The following ZNF385D variants were observed in gnomAD, a reference collection of about 807,000 sequenced individuals.
ZNF385D encodes the protein zinc finger protein 385D.
In ZNF385D, 15 loss-of-function variants were observed where a neutral mutation model predicts 35.8. The observed-to-expected ratio is 0.42, with a 90% CI of 0.28 to 0.64. The LOEUF (loss-of-function observed/expected upper bound fraction) is 0.64, where lower values mean the gene tolerates loss of function less well. Ranked by LOEUF, ZNF385D falls within the 30% of genes least tolerant of loss-of-function variation. ZNF385D has a pLI of 0.23. For missense variants in ZNF385D, 474 were observed against 494.6 expected (o/e 0.96, Z 0.39); for synonymous variants, 212 against 186.8 (o/e 1.13, Z -1.10).
At chr3:21,908,354 T>G (rs571846159) in intron 3 of ZNF385D, among the ~76,000 whole-genome samples, 1 of 152,214 alleles carries the variant, frequency 6.6e-6, no homozygotes, top group African/African-American at 2.4e-5. Context: ...GAGGAACAGA[T>G]AGATACCTTT....
At chr3:22,246,889 A>G (rs1447875787) in intron 2 of ZNF385D, among the ~76,000 whole-genome samples, 1 of 152,146 alleles carries the variant, frequency 6.6e-6, no homozygotes, top group Non-Finnish European at 1.5e-5. Flanking sequence ...TTTTCAGAAC[A>G]TTCTCTGTGT....
Position 21,956,120 on chromosome 3 carries a change from G to A in ZNF385D, c.325+212697C>T, listed in dbSNP as rs547762686. ...AGGATCTGCTTGAGCCCAGGAGATAGAGGCTGCAGTGAGCCGTGATCACAC... is the reference window on the plus strand; with the variant it reads ...AGGATCTGCTTGAGCCCAGGAGATAAAGGCTGCAGTGAGCCGTGATCACAC... On this transcript the variant is annotated intron_variant, in intron 3 of 5. Coordinates refer to the ZNF385D transcript ENST00000494108. Among the ~76,000 whole-genome samples the A allele has an allele frequency of 2.0e-4, 30 of 152,108 alleles. No individual in the cohort carries two copies. In the East Asian group the frequency reaches 5.6e-3, roughly 29 times the overall value.
chr3:22,327,232 A>G (rs1694720220), intron 2 of ZNF385D, among the ~76,000 whole-genome samples: 1 of 152,214 alleles, frequency 6.6e-6, no homozygotes, highest in Non-Finnish European at 1.5e-5. Flanking sequence ...GTAGCCAGGA[A>G]CATTAAACCT....
At chr3:21,966,076 A>G (rs1431490459) in intron 3 of ZNF385D, among the ~76,000 whole-genome samples, 1 of 152,208 alleles carries the variant, frequency 6.6e-6, no homozygotes, top group Non-Finnish European at 1.5e-5. Flanking sequence ...GTCTCTCTAG[A>G]GTAAATTTTG....
In ZNF385D at chr3:22,037,826, G is replaced by A. The variant is rs138948351; in HGVS notation, c.325+130991C>T. On this transcript the variant is annotated intron_variant, in intron 3 of 5. Transcript: ENST00000494108. ...GGTATTGCCTAGGTTTTCTTCTAGG[G>A]TTTTTATGGTTTTAGGTCTAACAAA... is the stretch of plus-strand genomic sequence containing the variant. 7.2e-3 allele frequency among the ~76,000 whole-genome samples: 1,090 copies of A among 152,176 alleles called. 19 individuals are homozygous for A. Among genetic ancestry groups the A allele is most frequent in the Middle Eastern group, 0.01 (3 of 294 alleles).
At chr3:22,165,772 C>T (rs907649977) in intron 3 of ZNF385D, among the ~76,000 whole-genome samples, 1 of 152,150 alleles carries the variant, frequency 6.6e-6, no homozygotes, top group African/African-American at 2.4e-5. Context: ...TTGAACCACA[C>T]TGAATTCTTG....
chr3:21,714,719 G>C (rs1196277146), intron 1 of ZNF385D, among the ~76,000 whole-genome samples: 1 of 152,106 alleles, frequency 6.6e-6, no homozygotes, highest in Non-Finnish European at 1.5e-5. Flanking sequence ...TCCATCTCCA[G>C]CTAACACTTC....
chr3:22,215,010 T>A (rs968713083), intron 2 of ZNF385D, among the ~76,000 whole-genome samples: 1 of 151,940 alleles, frequency 6.6e-6, no homozygotes, highest in Admixed American at 6.6e-5. Context: ...ATGTGATGTC[T>A]CCCCCAGACA....
chr3:22,281,499 G>A (rs1701738969), intron 2 of ZNF385D, among the ~76,000 whole-genome samples: 1 of 152,020 alleles, frequency 6.6e-6, no homozygotes, highest in Non-Finnish European at 1.5e-5. Context: ...ATAATCATGT[G>A]ATTTTTATTT....
chr3:22,305,362 C>G (rs1202156151), intron 2 of ZNF385D, among the ~76,000 whole-genome samples: 1 of 152,090 alleles, frequency 6.6e-6, no homozygotes, highest in African/African-American at 2.4e-5. Context: ...TGCATGAATA[C>G]TAGACTTAAT....
chr3:22,016,750 G>C (rs1458964880), intron 3 of ZNF385D, among the ~76,000 whole-genome samples: 1 of 150,904 alleles, frequency 6.6e-6, no homozygotes. Flanking sequence ...CCTCTGCTGT[G>C]TTAAAGCACT....
intron 3 of ZNF385D, among the ~76,000 whole-genome samples, chr3:22,073,588 T>C (rs80203811): frequency 0.012 from 1,820 of 152,112 alleles, 33 homozygotes; most frequent in African/African-American, 0.041. Flanking sequence ...GCCTCATTTA[T>C]GCCATGAATT....
At chr3:22,059,769 G>A (rs1242144375) in intron 3 of ZNF385D, among the ~76,000 whole-genome samples, 7 of 152,170 alleles carry the variant, frequency 4.6e-5, no homozygotes, top group African/African-American at 1.7e-4. Context: ...ATGCTTGTGA[G>A]GGTTAATTTT....
chr3:22,346,473 T>C (rs185507815), intron 2 of ZNF385D, among the ~76,000 whole-genome samples: 123 of 152,336 alleles, frequency 8.1e-4, no homozygotes, highest in African/African-American at 2.9e-3. Context: ...TGCTTTTATA[T>C]TCACTATTTC....
chr3:21,754,842 T>C (rs1430527924), upstream of ZNF385D, among the ~76,000 whole-genome samples: 3 of 152,220 alleles, frequency 2.0e-5, no homozygotes, highest in African/African-American at 7.2e-5. Context: ...CTTGTCATTA[T>C]ACAATAAATA....
chr3:22,302,222 G>A (rs746249241), intron 2 of ZNF385D, among the ~76,000 whole-genome samples: 27 of 151,926 alleles, frequency 1.8e-4, no homozygotes, highest in Non-Finnish European at 2.4e-4. Context: ...ATAAATTTTC[G>A]CTAACCACCA....
At chr3:22,267,844 T>G (rs1446452462) in intron 2 of ZNF385D, among the ~76,000 whole-genome samples, 1 of 151,982 alleles carries the variant, frequency 6.6e-6, no homozygotes, top group Non-Finnish European at 1.5e-5. Flanking sequence ...TTTCATATTT[T>G]ATGTGAAAGG....
At chr3:21,747,919 G>T (rs2069857261) in intron 1 of ZNF385D, among the ~76,000 whole-genome samples, 1 of 151,968 alleles carries the variant, frequency 6.6e-6, no homozygotes, top group Admixed American at 6.6e-5. Context: ...GGGTGGGAGG[G>T]TAAATTTATA....
chr3:22,022,503 T>TAC (rs1283080133), intron 3 of ZNF385D, among the ~76,000 whole-genome samples: 1 of 152,070 alleles, frequency 6.6e-6, no homozygotes, highest in African/African-American at 2.4e-5. Flanking sequence ...TGATCCTAGT[T>TAC]CAACTGTTTG....
Sources: allele counts gnomAD v4.1 joint callset (sites outside exome capture counted in the v4.1 genomes callset), GRCh38; gene constraint gnomAD v4.1.1; transcripts MANE v1.5; gene names NCBI Gene and HGNC (gene_info 2026-07-23, HGNC 2026-07-21).